SORCS1: variants seen among roughly 807,000 people sequenced by gnomAD.
SORCS1 encodes the protein sortilin related VPS10 domain containing receptor 1, also known as VPS10 domain-containing receptor SorCS1.
In SORCS1, 60 loss-of-function variants were observed where a neutral mutation model predicts 146.1. The ratio of observed to expected loss-of-function variants is 0.41; its 90% CI spans 0.33 to 0.51. The LOEUF (loss-of-function observed/expected upper bound fraction) is 0.51, where lower values mean the gene tolerates loss of function less well. Ranked by LOEUF, SORCS1 falls within the 20% of genes least tolerant of loss-of-function variation. The probability of loss-of-function intolerance (pLI) is 0.21; values close to 1 mark genes in which losing one functional copy is unlikely to be tolerated. For synonymous variants in SORCS1, 637 were observed against 584.0 expected (o/e 1.09, Z -1.31); for missense variants, 1,352 against 1,487.6 (o/e 0.91, Z 1.50).
intron 4 of SORCS1, among the ~76,000 whole-genome samples, chr10:106,762,082 T>A (rs1042338359): frequency 6.6e-6 from 1 of 152,126 alleles, no homozygotes; most frequent in Non-Finnish European, 1.5e-5. Flanking sequence ...CTGGCTCACA[T>A]AATGAGAAAT....
intron 2 of SORCS1, among the ~76,000 whole-genome samples, chr10:106,856,712 T>C (rs1949800622): frequency 6.6e-6 from 1 of 152,192 alleles, no homozygotes; most frequent in African/African-American, 2.4e-5. Context: ...CCTCTCTGAT[T>C]AGGTCCCCAC....
intron 18 of SORCS1, among the ~76,000 whole-genome samples, chr10:106,631,994 T>C (rs184061936): frequency 3.4e-4 from 52 of 152,220 alleles, no homozygotes; most frequent in Non-Finnish European, 6.2e-4. Flanking sequence ...ATGGAGCTAC[T>C]CAATGTTTGG....
chr10:106,614,049 T>A, intron 21 of SORCS1, among the ~76,000 whole-genome samples: 1 of 152,154 alleles, frequency 6.6e-6, no homozygotes, highest in East Asian at 1.9e-4. Context: ...CTATTTAAAT[T>A]ATTTTGTTTT....
At chr10:106,667,580 G>T in intron 17 of SORCS1, 109 bp downstream of exon 17, 1 of 716,340 alleles carries the variant, frequency 1.4e-6, no homozygotes, top group Non-Finnish European at 2.5e-6. Flanking sequence ...ATTACATTGT[G>T]CTGTAAGGAA....
intron 18 of SORCS1, among the ~76,000 whole-genome samples, chr10:106,647,634 G>A (rs1015545186): frequency 1.3e-5 from 2 of 152,112 alleles, no homozygotes; most frequent in African/African-American, 4.8e-5. Context: ...CAATGGTATT[G>A]GGACAATTGG....
intron 24 of SORCS1, among the ~76,000 whole-genome samples, chr10:106,581,333 A>ACACACACACG (rs1337948382): frequency 1.3e-3 from 191 of 151,476 alleles, no homozygotes; most frequent in African/African-American, 4.5e-3. Flanking sequence ...ACACACACAC[A>ACACACACACG]CACACACACA....
intron 5 of SORCS1, among the ~76,000 whole-genome samples, chr10:106,746,610 G>A (rs1255168782): frequency 6.6e-6 from 1 of 152,150 alleles, no homozygotes; most frequent in Admixed American, 6.5e-5. Context: ...AAAGTGTTAA[G>A]GTTGTTTTAG....
chr10:106,647,007 G>GTGTATA (rs1293898053), intron 18 of SORCS1, among the ~76,000 whole-genome samples: 4 of 134,230 alleles, frequency 3.0e-5, no homozygotes, highest in African/African-American at 1.1e-4. Context: ...GTTTGTATGT[G>GTGTATA]TATATATATA....
chr10:106,631,687 G>T (rs995005740), intron 18 of SORCS1, among the ~76,000 whole-genome samples: 1 of 152,124 alleles, frequency 6.6e-6, no homozygotes, highest in Admixed American at 6.5e-5. Flanking sequence ...AGGACAGAGG[G>T]GAGATTCACA....
chr10:106,850,201 A>C (rs963443641), intron 2 of SORCS1, among the ~76,000 whole-genome samples: 1 of 151,716 alleles, frequency 6.6e-6, no homozygotes, highest in Non-Finnish European at 1.5e-5. Flanking sequence ...GCCGCCTTGC[A>C]GTTTGATCTC....
At chr10:106,959,193 C>T (rs1171567834) in intron 1 of SORCS1, among the ~76,000 whole-genome samples, 1 of 152,108 alleles carries the variant, frequency 6.6e-6, no homozygotes, top group Non-Finnish European at 1.5e-5. Context: ...CGCTCCCTGC[C>T]TCTTCTTGCA....
rs73363687 is a variant in SORCS1 at position 106,782,698 on chromosome 10, T to C, written c.727-6006A>G. On this transcript the variant is annotated intron_variant, in intron 3 of 25. Coordinates refer to ENST00000263054, the MANE Select transcript of SORCS1 (RefSeq NM_052918.5). ...GGACTACTGAACATAGTCTTCTCCT[T>C]TGAGACAATTTAGAGAAACCCAAAC... Among the ~76,000 whole-genome samples the C allele has an allele frequency of 3.8e-3, 576 of 152,376 alleles. 9 individuals are homozygous for C. The highest frequency in any genetic ancestry group is 0.013 in the African/African-American group (555 of 41,590).
At chr10:106,794,333 A>G (rs1378697125) in intron 3 of SORCS1, among the ~76,000 whole-genome samples, 3 of 152,104 alleles carry the variant, frequency 2.0e-5, no homozygotes, top group African/African-American at 7.2e-5. Context: ...TTATTGATGT[A>G]AGGGGAAAAA....
At chr10:107,083,410 A>T (rs552414318) in intron 1 of SORCS1, among the ~76,000 whole-genome samples, 1 of 152,224 alleles carries the variant, frequency 6.6e-6, no homozygotes, top group African/African-American at 2.4e-5. Context: ...TTTTCAAATG[A>T]TTTTTATTGT....
chr10:106,793,596 G>T (rs1196398071), intron 3 of SORCS1, among the ~76,000 whole-genome samples: 1 of 152,118 alleles, frequency 6.6e-6, no homozygotes, highest in Non-Finnish European at 1.5e-5. Flanking sequence ...CAAGCTAAGA[G>T]GTTATTACAT....
chr10:106,587,299 G>A (rs1377669612), intron 24 of SORCS1, among the ~76,000 whole-genome samples: 2 of 152,226 alleles, frequency 1.3e-5, no homozygotes, highest in African/African-American at 4.8e-5. Context: ...CTTACTGGCT[G>A]TGGAAGAATT....
chr10:106,897,740 T>A (rs1259375169), intron 2 of SORCS1, among the ~76,000 whole-genome samples: 2 of 151,802 alleles, frequency 1.3e-5, no homozygotes, highest in Non-Finnish European at 2.9e-5. Flanking sequence ...GGGCCAGAAC[T>A]AAAGGGGCCA....
intron 1 of SORCS1, among the ~76,000 whole-genome samples, chr10:107,136,975 A>G (rs1395905205): frequency 1.3e-5 from 2 of 152,198 alleles, no homozygotes; most frequent in Non-Finnish European, 2.9e-5. Context: ...GCCACAGTCT[A>G]GCCCCTACTC....
At chr10:106,898,847 C>T (rs1054220837) in intron 2 of SORCS1, among the ~76,000 whole-genome samples, 1 of 152,146 alleles carries the variant, frequency 6.6e-6, no homozygotes, top group African/African-American at 2.4e-5. Flanking sequence ...TCTCCTTTTC[C>T]CACAAACCCA....
Sources: allele counts gnomAD v4.1 joint callset (sites outside exome capture counted in the v4.1 genomes callset), GRCh38; gene constraint gnomAD v4.1.1; transcripts MANE v1.5; gene names NCBI Gene and HGNC (gene_info 2026-07-23, HGNC 2026-07-21).